Variants in AS3MT observed in about 807,000 individuals in gnomAD.
AS3MT encodes S-adenosyl-L-methionine:arsenic(III) methyltransferase.
AS3MT carries 47 observed loss-of-function variants against 45.3 expected under a neutral mutation model. The ratio of observed to expected loss-of-function variants is 1.04; its 90% CI spans 0.82 to 1.32. The LOEUF is 1.32. Ranked by LOEUF, AS3MT falls within the 40% of genes most tolerant of loss-of-function variation. The pLI is 0.00. For synonymous variants in AS3MT, 141 were observed against 152.8 expected, an observed-to-expected ratio of 0.92 and a Z score of 0.57; for missense variants, 396 against 451.1, an observed-to-expected ratio of 0.88 and a Z score of 1.11.
At chr10:102,893,786 A>G (rs1379929247) in intron 10 of AS3MT, among the ~76,000 whole-genome samples, 1 of 152,062 alleles carries the variant, frequency 6.6e-6, no homozygotes, top group Non-Finnish European at 1.5e-5. Flanking sequence ...GGCATGAGCC[A>G]CTGTGCCCAG....
At chr10:102,892,147 T>A (rs1041603861) in intron 10 of AS3MT, among the ~76,000 whole-genome samples, 1 of 152,074 alleles carries the variant, frequency 6.6e-6, no homozygotes, top group Non-Finnish European at 1.5e-5. Context: ...TTTTAGTTTG[T>A]GCCCTAAGTG....
chr10:102,899,020 C>A (rs575328276), intron 10 of AS3MT, among the ~76,000 whole-genome samples: 1 of 152,278 alleles, frequency 6.6e-6, no homozygotes, highest in Admixed American at 6.5e-5. Flanking sequence ...GTCTTGAGAT[C>A]TTTTTGAACT....
intron 4 of AS3MT, 39 bp downstream of exon 4, chr10:102,872,637 C>G (rs1275475631): frequency 6.4e-7 from 1 of 1,563,178 alleles, no homozygotes; most frequent in Non-Finnish European, 8.6e-7. Context: ...AAAAGATTCT[C>G]AAAAGCATTA....
At position 102,881,731 on chromosome 10, in the gene AS3MT, GATTT is replaced by G. The variant is rs773830957; in HGVS notation, c.885+2751_885+2754del. On this transcript the variant is annotated intron_variant, in intron 9 of 10. Transcript: ENST00000369880. The surrounding 1 kb of genome is among the most constrained non-coding windows in gnomAD (Gnocchi z 4.2). ...CTTACTATTAATATTTCATTTTTCT[GATTT>G]ATTTATTTATCTATTTTAGAGACAA... Among the ~76,000 whole-genome samples the G allele has an allele frequency of 3.3e-5, 5 of 151,910 alleles. No homozygotes were observed. The highest frequency in any genetic ancestry group is 1.3e-4 in the Admixed American group (2 of 15,232).
At position 102,885,639 on chromosome 10, in the gene AS3MT, C is replaced by T. The variant is rs1252766631; in HGVS notation, c.886-4905C>T. Among the ~76,000 whole-genome samples, 2 of 96,548 alleles carry T rather than the reference C, an allele frequency of 2.1e-5. 1 individual carries two copies. Among genetic ancestry groups the T allele is most frequent in the Non-Finnish European group, 4.4e-5 (2 of 45,926 alleles). The allele number at this position is 96,548 out of a possible 152,430, so 63.3% of individuals were successfully genotyped here. On this transcript the variant is annotated intron_variant, in intron 9 of 10. Transcript: ENST00000369880. ...CCGCCTCCCGGGTTCACGCCATTCTCCTGCCTCAGCCTCCCAAGTAGCTGG... is the reference window on the plus strand; with the variant it reads ...CCGCCTCCCGGGTTCACGCCATTCTTCTGCCTCAGCCTCCCAAGTAGCTGG...
chr10:102,882,232 C>G (rs1224056951), intron 9 of AS3MT, among the ~76,000 whole-genome samples: 4 of 151,870 alleles, frequency 2.6e-5, no homozygotes, highest in Non-Finnish European at 5.9e-5. Flanking sequence ...AGCCACCACT[C>G]CCGGCCAAGA....
intron 10 of AS3MT, among the ~76,000 whole-genome samples, chr10:102,900,315 A>G (rs943097548): frequency 2.0e-5 from 3 of 152,222 alleles, no homozygotes; most frequent in Admixed American, 6.5e-5. Context: ...TGACAACCCC[A>G]CAAAACAAAA....
chr10:102,883,909 T>C (rs985784430), intron 9 of AS3MT, among the ~76,000 whole-genome samples: 3 of 152,108 alleles, frequency 2.0e-5, no homozygotes, highest in African/African-American at 7.2e-5. Flanking sequence ...ATACTCACCA[T>C]TTATTTGTGA....
Position 102,890,696 on chromosome 10 carries a change from T to C in AS3MT, c.1020+18T>C. 1 of 1,595,918 alleles carries C rather than the reference T, an allele frequency of 6.3e-7. No homozygotes were observed. The highest frequency in any genetic ancestry group is 8.5e-7 in the Non-Finnish European group (1 of 1,174,376). ...AGTTAAAGGTTAGTTTGGCTTTCAC[T>C]ACCTGAGAGAACTATTTTATTTATT... On this transcript the variant is annotated intron_variant, in intron 10 of 10. Transcript: ENST00000369880.
intron 9 of AS3MT, 107 bp downstream of exon 9, chr10:102,879,098 T>C: frequency 8.0e-7 from 1 of 1,244,308 alleles, no homozygotes; most frequent in South Asian, 1.5e-5. Context: ...GGTGTTGGTT[T>C]GTTTGTGTGT....
intron 10 of AS3MT, among the ~76,000 whole-genome samples, chr10:102,895,992 T>A (rs1207151077): frequency 1.3e-5 from 2 of 151,688 alleles, no homozygotes; most frequent in African/African-American, 4.8e-5. Flanking sequence ...GTCAAGCTGG[T>A]CTCAAACTCC....
intron 9 of AS3MT, among the ~76,000 whole-genome samples, chr10:102,888,867 A>ATTTTTT: frequency 1.1e-5 from 1 of 88,662 alleles, no homozygotes; most frequent in Non-Finnish European, 2.2e-5. Flanking sequence ...ATATATATAT[A>ATTTTTT]TATATATATA....
chr10:102,900,634 C>T lies in AS3MT; in HGVS notation c.1062C>T (p.Asp354=). ...TDPFKLAEES[D]SMKSRCVPDA... is the part of the protein sequence containing the mutation. Reference sequence around the variant, plus strand: ...CATTTAAGCTTGCAGAAGAGTCTGACAGTATGAAGTCCAGATGTGTCCCTG... The same window carrying T: ...CATTTAAGCTTGCAGAAGAGTCTGATAGTATGAAGTCCAGATGTGTCCCTG... The change falls in exon 11 of 11, where the codon GAC becomes GAT. Residue 354 remains aspartate (D), a synonymous_variant. Transcript: ENST00000369880. The T allele has an allele frequency of 3.1e-6, 5 of 1,614,114 alleles. No homozygotes were observed. The highest frequency in any genetic ancestry group is 4.2e-6 in the Non-Finnish European group (5 of 1,179,976).
chr10:102,878,758 C>A, intron 8 of AS3MT, 91 bp from the exon 9 acceptor site: 1 of 1,475,704 alleles, frequency 6.8e-7, no homozygotes, highest in South Asian at 1.3e-5. Flanking sequence ...GGAAGAAAAT[C>A]ATCTTTATAA....
At chr10:102,900,499 G>A (rs10748835) in intron 10 of AS3MT, 94 bp from the exon 11 acceptor site, 357,487 of 864,272 alleles carry the variant, frequency 0.41, 74,789 homozygotes, top group East Asian at 0.51. Context: ...TCTCTGTTCT[G>A]TGTAAGTCAA....
rs370022454 is a variant in AS3MT at position 102,877,034 on chromosome 10, G to T, written c.609G>T (p.Trp203Cys). 14 of 1,613,742 alleles carry T rather than the reference G, an allele frequency of 8.7e-6. No homozygotes were observed. In the African/African-American group the frequency reaches 1.3e-4, roughly 15 times the overall value. ...PEEIRTHKVL[W>C]GECLGGALYW... is the part of the protein sequence containing the mutation. ...AAATCAGGACACACAAAGTTTTATG[G>T]GGTAGGTGATTTTGTTTAGTTTAGT... The change falls in exon 7 of 11, where the codon TGG (tryptophan) becomes TGT (cysteine). Residue 203 changes from tryptophan (W) to cysteine (C), a missense_variant and splice_region_variant. Coordinates refer to ENST00000369880, the MANE Select transcript of AS3MT (RefSeq NM_020682.4).
intron 9 of AS3MT, among the ~76,000 whole-genome samples, chr10:102,880,537 A>G (rs937832560): frequency 5.9e-5 from 9 of 152,160 alleles, no homozygotes; most frequent in Non-Finnish European, 1.3e-4. Flanking sequence ...CAACATTAGA[A>G]TTCTTAATTC....
chr10:102,869,913 A>G (rs1294459749), intron 2 of AS3MT, 68 bp downstream of exon 2: 28 of 1,599,698 alleles, frequency 1.8e-5, no homozygotes, highest in Non-Finnish European at 2.2e-5. Context: ...CCTGGCCCGC[A>G]CCCTGTCCCC....
At chr10:102,895,472 A>G (rs1392023009) in intron 10 of AS3MT, among the ~76,000 whole-genome samples, 1 of 152,154 alleles carries the variant, frequency 6.6e-6, no homozygotes. Flanking sequence ...AAGTGCTGGG[A>G]TTACAGGTGT....
Sources: gnomAD v4.1 joint callset for allele counts (sites outside exome capture counted in the v4.1 genomes callset) on GRCh38, gnomAD v4.1.1 for gene constraint, Gnocchi (gnomAD v3.1) non-coding constraint, MANE v1.5 for transcripts, NCBI Gene and HGNC (gene_info 2026-07-23, HGNC 2026-07-21) for gene names.